Variants in SCUBE3 observed in about 807,000 individuals in gnomAD.
The protein encoded by SCUBE3 is signal peptide, CUB domain and EGF like domain containing 3.
In SCUBE3, 33 loss-of-function variants were observed where a neutral mutation model predicts 116.8. The observed-to-expected ratio is 0.28, with a 90% CI of 0.21 to 0.38. The LOEUF (loss-of-function observed/expected upper bound fraction) is 0.38, where lower values mean the gene tolerates loss of function less well. Ranked by LOEUF, SCUBE3 falls within the 10% of genes least tolerant of loss-of-function variation. The pLI, the probability that SCUBE3 is intolerant of heterozygous loss-of-function variation, is 1.00. For missense variants in SCUBE3, 1,007 were observed against 1,324.8 expected, an observed-to-expected ratio of 0.76 and a Z score of 3.72; for synonymous variants, 418 against 496.9, an observed-to-expected ratio of 0.84 and a Z score of 2.11.
Position 35,242,788 on chromosome 6 carries a change from T to G in SCUBE3, c.1693+8T>G. On this transcript the variant is annotated splice_region_variant and intron_variant, in intron 14 of 21. Coordinates refer to ENST00000274938, the MANE Select transcript of SCUBE3 (RefSeq NM_152753.4). ...GAGCCGAAGAAACCACAGGTGGGACTGGGGGCACTGTTGGGAAGAGGACTG... is the reference window on the plus strand; with the variant it reads ...GAGCCGAAGAAACCACAGGTGGGACGGGGGGCACTGTTGGGAAGAGGACTG... The G allele has an allele frequency of 1.2e-6, 2 of 1,612,088 alleles. No homozygotes were observed. The highest frequency in any genetic ancestry group is 8.5e-7 in the Non-Finnish European group (1 of 1,178,428).
In SCUBE3 at chr6:35,228,478, A is replaced by C; in HGVS notation, c.209-136A>C. On this transcript the variant is annotated intron_variant, in intron 2 of 21. Transcript: ENST00000274938. This position sits in a 1 kb window ranked among gnomAD's most constrained non-coding sequence, Gnocchi z 4.9. The stretch of plus-strand genomic sequence containing the variant: ...CTGAAAATGTTCATGACTTAGGTTT[A>C]AATGAAAACAGAAAAATGCTAAATG... 5.3e-6 allele frequency: 4 copies of C among 753,492 alleles called. No homozygotes were observed. The highest frequency in any genetic ancestry group is 8.2e-6 in the Non-Finnish European group (4 of 486,980). 46.7% of individuals were successfully genotyped at this position (753,492 alleles called of 1,614,324 possible).
At chr6:35,226,232 G>A (rs890663943) in intron 1 of SCUBE3, among the ~76,000 whole-genome samples, 10 of 152,248 alleles carry the variant, frequency 6.6e-5, no homozygotes, top group Admixed American at 5.9e-4. Flanking sequence ...TGACTCTGAT[G>A]TGCAGGGTGG....
Position 35,241,337 on chromosome 6 carries a change from T to G in SCUBE3, c.1195+71T>G. The G allele has an allele frequency of 6.7e-7, 1 of 1,501,996 alleles. No homozygotes were observed. Among genetic ancestry groups the G allele is most frequent in the East Asian group, 2.3e-5 (1 of 43,948 alleles). The allele number at this position is 1,501,996 out of a possible 1,614,324, so 93.0% of individuals were successfully genotyped here. A position where few individuals can be genotyped will look rare whatever the true frequency, so the allele number is the denominator to read the frequency against. ...GGAGCAGTTGGGGTTCTGGAAAGCA[T>G]AGAGTATCACATTGGGGAAAGGTGT... On this transcript the variant is annotated intron_variant, in intron 10 of 21. Transcript: ENST00000274938. The surrounding 1 kb of genome is among the most constrained non-coding windows in gnomAD (Gnocchi z 4.1).
At position 35,233,163 on chromosome 6, in the gene SCUBE3, G is replaced by A; in HGVS notation, c.596-22G>A. 6.3e-7 allele frequency: 1 copy of A among 1,576,036 alleles called. No homozygotes were observed. Among genetic ancestry groups the A allele is most frequent in the Non-Finnish European group, 8.7e-7 (1 of 1,145,986 alleles). Reference sequence around the variant, plus strand: ...ATGCAGGGAGGAGCAAGCTGACAGGGCCCTGTCCTCTCTGTGCACAGTGAC... The same window carrying A: ...ATGCAGGGAGGAGCAAGCTGACAGGACCCTGTCCTCTCTGTGCACAGTGAC... On this transcript the variant is annotated intron_variant, in intron 5 of 21. Transcript: ENST00000274938. This position sits in a 1 kb window ranked among gnomAD's most constrained non-coding sequence, Gnocchi z 5.7.
chr6:35,241,598 C>A lies in SCUBE3; in HGVS notation c.1251C>A (p.Asn417Lys). Residue 417 changes from asparagine to lysine, a missense_variant, in exon 11 of 22, where the codon AAC becomes AAA. Asn to Lys is a moderately conservative substitution (Grantham distance 94). Transcript: ENST00000274938. The surrounding 1 kb of genome is among the most constrained non-coding windows in gnomAD (Gnocchi z 4.1). Reference protein sequence around the residue: ...PGASKAMLSCNRSGKKDTCAL... With the variant: ...PGASKAMLSCKRSGKKDTCAL... Reference sequence around the variant, plus strand: ...CCTCGAAAGCCATGCTCAGCTGCAACCGGTCTGGCAAGAAGGACACCTGTG... The same window carrying A: ...CCTCGAAAGCCATGCTCAGCTGCAAACGGTCTGGCAAGAAGGACACCTGTG... The A allele has an allele frequency of 6.2e-7, 1 of 1,614,206 alleles. No homozygotes were observed. Among genetic ancestry groups the A allele is most frequent in the South Asian group, 1.1e-5 (1 of 91,078 alleles).
chr6:35,242,961 T>C (rs1784139602), intron 14 of SCUBE3, 60 bp from the exon 15 acceptor site: 2 of 1,566,002 alleles, frequency 1.3e-6, no homozygotes, highest in African/African-American at 1.4e-5. Flanking sequence ...TTTGCTCCCC[T>C]GCCCTCCTGC....
At position 35,251,150 on chromosome 6, in the gene SCUBE3, C is replaced by CTTTTTTTTTT. The variant is rs66748362; in HGVS notation, c.*2457_*2466dup. 2 of 84,420 alleles carry CTTTTTTTTTT rather than the reference C, an allele frequency of 2.4e-5. No homozygotes were observed. The highest frequency in any genetic ancestry group is 4.1e-5 in the African/African-American group (1 of 24,582). The allele number at this position is 84,420 out of a possible 1,614,324, so 5.2% of individuals were successfully genotyped here. A position where few individuals can be genotyped will look rare whatever the true frequency, so the allele number is the denominator to read the frequency against. On this transcript the variant is annotated 3_prime_UTR_variant, in exon 22 of 22. Transcript: ENST00000274938. ...CTAGGATAACTTTCTTTCTTTCTTT[C>CTTTTTTTTTT]TTTTTTTTTTTTTTTTTTTTTGAGA...
At chr6:35,246,670 G>T (rs1784351977) in intron 21 of SCUBE3, among the ~76,000 whole-genome samples, 1 of 152,196 alleles carries the variant, frequency 6.6e-6, no homozygotes, top group Admixed American at 6.5e-5. Context: ...TCTCTCCCCA[G>T]GCCTCATTAA....
rs1783578159 is a variant in SCUBE3 at position 35,232,187 on chromosome 6, A to G, written c.469+328A>G. ...GCTGCCTATCTGAGAGGGCCTCACCATATCTTTTTCCTTGGATTGGCATGG... is the reference window on the plus strand; with the variant it reads ...GCTGCCTATCTGAGAGGGCCTCACCGTATCTTTTTCCTTGGATTGGCATGG... On this transcript the variant is annotated intron_variant, in intron 4 of 21. Transcript: ENST00000274938. This position sits in a 1 kb window ranked among gnomAD's most constrained non-coding sequence, Gnocchi z 4.2. 6.6e-6 allele frequency among the ~76,000 whole-genome samples: 1 copy of G among 152,104 alleles called. No homozygotes were observed.
intron 1 of SCUBE3, among the ~76,000 whole-genome samples, chr6:35,218,462 C>T (rs1783008491): frequency 6.6e-6 from 1 of 152,114 alleles, no homozygotes; most frequent in Non-Finnish European, 1.5e-5. Flanking sequence ...CAGTCCTTTC[C>T]CCCAGCTCTG....
Position 35,214,632 on chromosome 6 carries a change from C to T in SCUBE3, c.85+129C>T. The T allele has an allele frequency of 2.0e-6, 1 of 512,220 alleles. No individual in the cohort carries two copies. The highest frequency in any genetic ancestry group is 2.0e-5 in the African/African-American group (1 of 50,382). 31.7% of individuals were successfully genotyped at this position (512,220 alleles called of 1,614,324 possible). On this transcript the variant is annotated intron_variant, in intron 1 of 21. Coordinates refer to ENST00000274938, the MANE Select transcript of SCUBE3 (RefSeq NM_152753.4). The surrounding 1 kb of genome is among the most constrained non-coding windows in gnomAD (Gnocchi z 6.3). ...CTGTCAGAACCCGGCTCTGTGCACC[C>T]GGACTCCCCGGCCAGGGGCCCGACC...
At position 35,249,026 on chromosome 6, in the gene SCUBE3, C is replaced by T. The variant is rs1430204784; in HGVS notation, c.*321C>T. On this transcript the variant is annotated 3_prime_UTR_variant, in exon 22 of 22. Transcript: ENST00000274938. ...CATTTTACCAGCTCACATTCCCGAC[C>T]CCATCAGCTTGGAAGGGTGCTAGAG... 6 of 253,856 alleles carry T rather than the reference C, an allele frequency of 2.4e-5. No homozygotes were observed. The highest frequency in any genetic ancestry group is 1.1e-4 in the African/African-American group (5 of 44,068). The allele number at this position is 253,856 out of a possible 1,614,324, so 15.7% of individuals were successfully genotyped here. A position where few individuals can be genotyped will look rare whatever the true frequency, so the allele number is the denominator to read the frequency against.
chr6:35,219,749 A>G lies in SCUBE3; in HGVS notation c.85+5246A>G, dbSNP rs1783054258. 6.6e-6 allele frequency among the ~76,000 whole-genome samples: 1 copy of G among 152,174 alleles called. No homozygotes were observed. Among genetic ancestry groups the G allele is most frequent in the South Asian group, 2.1e-4 (1 of 4,832 alleles). ...GCTTGAAGGGTAGACCCTGGGGAGC[A>G]GGTTTACAGAGAGGACGTTTTTACA... On this transcript the variant is annotated intron_variant, in intron 1 of 21. Coordinates refer to ENST00000274938, the MANE Select transcript of SCUBE3 (RefSeq NM_152753.4). The surrounding 1 kb of genome is among the most constrained non-coding windows in gnomAD (Gnocchi z 4.7).
At chr6:35,227,081 T>C (rs1581917713) in intron 1 of SCUBE3, among the ~76,000 whole-genome samples, 1 of 152,146 alleles carries the variant, frequency 6.6e-6, no homozygotes. Context: ...GCAGGCCTGG[T>C]CTCAAGCAGA....
chr6:35,219,849 GTGTT>G lies in SCUBE3; in HGVS notation c.85+5352_85+5355del, dbSNP rs1403320080. Among the ~76,000 whole-genome samples the G allele has an allele frequency of 6.6e-6, 1 of 152,168 alleles. No homozygotes were observed. The highest frequency in any genetic ancestry group is 1.5e-5 in the Non-Finnish European group (1 of 68,030). ...TTAACAGCAGGAACCTGTATCCCTG[GTGTT>G]TGTTTTTGTTTCTAACCAGCTGCTT... is the stretch of plus-strand genomic sequence containing the variant. On this transcript the variant is annotated intron_variant, in intron 1 of 21. Transcript: ENST00000274938. This position sits in a 1 kb window ranked among gnomAD's most constrained non-coding sequence, Gnocchi z 4.7.
Position 35,233,410 on chromosome 6 carries a change from A to G in SCUBE3, c.712+109A>G, listed in dbSNP as rs922122569. The G allele has an allele frequency of 4.1e-6, 3 of 723,220 alleles. No individual in the cohort carries two copies. Among genetic ancestry groups the G allele is most frequent in the Non-Finnish European group, 7.4e-6 (3 of 404,608 alleles). 44.8% of individuals were successfully genotyped at this position (723,220 alleles called of 1,614,324 possible). ...CATGGGGCCCAGGTGCTGGGCACAG[A>G]GGGACTGGTGAGGGAGTTAAGACCC... On this transcript the variant is annotated intron_variant, in intron 6 of 21. Transcript: ENST00000274938. The surrounding 1 kb of genome is among the most constrained non-coding windows in gnomAD (Gnocchi z 5.7).
At chr6:35,225,546 G>A (rs1783291083) in intron 1 of SCUBE3, among the ~76,000 whole-genome samples, 1 of 152,192 alleles carries the variant, frequency 6.6e-6, no homozygotes, top group Admixed American at 6.5e-5. Flanking sequence ...GAGCGAGGTG[G>A]AGAGTAAGTG....
At chr6:35,227,382 T>A (rs1406482365) in intron 1 of SCUBE3, among the ~76,000 whole-genome samples, 198 bp from the exon 2 acceptor site, 2 of 152,178 alleles carry the variant, frequency 1.3e-5, no homozygotes, top group African/African-American at 4.8e-5. Flanking sequence ...TTGAGGGCAG[T>A]GGGGGTTCCT....
At position 35,235,823 on chromosome 6, in the gene SCUBE3, G is replaced by T. The variant is rs1783747930; in HGVS notation, c.713-2079G>T. Among the ~76,000 whole-genome samples the T allele has an allele frequency of 1.4e-5, 2 of 145,612 alleles. No individual in the cohort carries two copies. Among genetic ancestry groups the T allele is most frequent in the Non-Finnish European group, 3.0e-5 (2 of 66,704 alleles). ...TCTGCTCCCCACCCCCCTCTACCCA[G>T]CCAGCCTCATCTTCCCTGTCATGCC... On this transcript the variant is annotated intron_variant, in intron 6 of 21. Transcript: ENST00000274938. The surrounding 1 kb of genome is among the most constrained non-coding windows in gnomAD (Gnocchi z 4.5).
Sources: allele counts gnomAD v4.1 joint callset (sites outside exome capture counted in the v4.1 genomes callset), GRCh38; gene constraint gnomAD v4.1.1; non-coding constraint Gnocchi (gnomAD v3.1); transcripts MANE v1.5; gene names NCBI Gene and HGNC (gene_info 2026-07-23, HGNC 2026-07-21).